The following AKAP13 variants were observed in gnomAD, a reference collection of about 807,000 sequenced individuals.
AKAP13 encodes the protein A-kinase anchor protein 13.
In AKAP13, 80 loss-of-function variants were observed where a neutral mutation model predicts 264.5. That is an observed-to-expected ratio of 0.30 (90% confidence interval 0.25 to 0.36). AKAP13 has a LOEUF of 0.36. AKAP13 is among the 10% of genes least tolerant of loss of function. AKAP13 has a pLI of 1.00. For synonymous variants in AKAP13, 1,380 were observed against 1,250.2 expected (o/e 1.10, Z -2.19); for missense variants, 3,712 against 3,435.2 (o/e 1.08, Z -2.01).
chr15:85,553,428 A>T (rs1415163498), intron 5 of AKAP13, among the ~76,000 whole-genome samples: 1 of 152,178 alleles, frequency 6.6e-6, no homozygotes, highest in Non-Finnish European at 1.5e-5. Context: ...TTTAATAAAT[A>T]TTTGTTGGCT....
intron 1 of AKAP13, among the ~76,000 whole-genome samples, chr15:85,421,842 T>C (rs2072539014): frequency 6.6e-6 from 1 of 152,262 alleles, no homozygotes. Flanking sequence ...GTGTATGCAT[T>C]GTTAACTGCA....
rs779615006 is a variant in AKAP13 at position 85,580,137 on chromosome 15, C to G, written c.2069C>G (p.Ser690Cys). The change falls in exon 7 of 37, where the codon TCC (serine) becomes TGC (cysteine). Residue 690 changes from serine to cysteine, a missense_variant. Transcript: ENST00000394518. ...AKLCDNIVSE[S>C]ESTTARQPSS... is the part of the protein sequence containing the mutation. The stretch of plus-strand genomic sequence containing the variant: ...CTGTGTGATAACATAGTTAGCGAGT[C>G]CGAAAGCACCACAGCAAGGCAACCC... 6.2e-7 allele frequency: 1 copy of G among 1,614,048 alleles called. No homozygotes were observed. The highest frequency in any genetic ancestry group is 1.3e-5 in the African/African-American group (1 of 74,926).
chr15:85,607,476 A>G (rs2080403966), intron 8 of AKAP13, among the ~76,000 whole-genome samples: 1 of 151,878 alleles, frequency 6.6e-6, no homozygotes, highest in Non-Finnish European at 1.5e-5. Context: ...TTTTTTAACC[A>G]TTTGCCTTTA....
In AKAP13 at chr15:85,655,737, C is replaced by T. The variant is rs1391744679; in HGVS notation, c.4695C>T (p.Ser1565=). 6.2e-7 allele frequency: 1 copy of T among 1,612,952 alleles called. No individual in the cohort carries two copies. Among genetic ancestry groups the T allele is most frequent in the Non-Finnish European group, 8.5e-7 (1 of 1,179,034 alleles). ...CTCTTTCTCCCTTCCGGAGGCACAG[C>T]TGGGGGCCTGGGAAAAATGCAGCCA... ...MRSLSPFRRH[S]WGPGKNAASD... is the part of the protein sequence containing the mutation. Residue 1565 remains serine, a synonymous_variant, in exon 11 of 37, where the codon AGC becomes AGT. Transcript: ENST00000394518.
intron 8 of AKAP13, among the ~76,000 whole-genome samples, chr15:85,606,116 T>G (rs959281002): frequency 2.1e-4 from 30 of 141,742 alleles, no homozygotes; most frequent in African/African-American, 7.9e-4. Context: ...TTTTTTTTTT[T>G]GTTGAGATGT....
chr15:85,468,259 T>G lies in AKAP13; in HGVS notation c.-11-17451T>G, dbSNP rs975082795. On this transcript the variant is annotated intron_variant, in intron 1 of 36. Transcript: ENST00000394518. ...CATCTTTGAAATAGCCTGAGTATAC[T>G]GTCTTATGGTTGATGCCCCTTTTAG... 8.1e-4 allele frequency among the ~76,000 whole-genome samples: 123 copies of G among 152,200 alleles called. 6 individuals are homozygous for G. The highest frequency in any genetic ancestry group is 4.7e-4 in the Non-Finnish European group (32 of 68,038).
At chr15:85,586,010 A>G (rs984393280) in intron 8 of AKAP13, among the ~76,000 whole-genome samples, 187 bp downstream of exon 8, 3 of 152,210 alleles carry the variant, frequency 2.0e-5, no homozygotes, top group Non-Finnish European at 1.5e-5. Flanking sequence ...GGTATATACC[A>G]TACAGCAAAG....
chr15:85,726,139 T>C, intron 26 of AKAP13: 1 of 318,704 alleles, frequency 3.1e-6, no homozygotes, highest in Non-Finnish European at 5.7e-6. Context: ...TTATGGGATA[T>C]ATCTTTCTAG....
intron 8 of AKAP13, among the ~76,000 whole-genome samples, chr15:85,587,967 A>C (rs2079429077): frequency 6.6e-6 from 1 of 152,222 alleles, no homozygotes; most frequent in African/African-American, 2.4e-5. Flanking sequence ...CTTTTAAAAC[A>C]AACTTGTTGA....
chr15:85,638,185 G>A (rs2082151086), intron 8 of AKAP13, among the ~76,000 whole-genome samples: 1 of 152,018 alleles, frequency 6.6e-6, no homozygotes, highest in Non-Finnish European at 1.5e-5. Context: ...AGCCTATTTA[G>A]AAGTTTTTAA....
chr15:85,739,302 A>C (rs1170394568), intron 33 of AKAP13, among the ~76,000 whole-genome samples: 1 of 152,136 alleles, frequency 6.6e-6, no homozygotes, highest in Non-Finnish European at 1.5e-5. Context: ...TATCATTCTT[A>C]TTAAGTTTTT....
intron 1 of AKAP13, among the ~76,000 whole-genome samples, chr15:85,397,101 A>G (rs1395028387): frequency 1.4e-5 from 2 of 146,938 alleles, no homozygotes; most frequent in East Asian, 4.1e-4. Flanking sequence ...GTGAAAGAAA[A>G]TACTTTTTAA....
chr15:85,604,224 A>G (rs1404254622), intron 8 of AKAP13, among the ~76,000 whole-genome samples: 3 of 152,240 alleles, frequency 2.0e-5, no homozygotes, highest in Non-Finnish European at 4.4e-5. Context: ...TTTCCTATTT[A>G]CATAATAAAT....
chr15:85,492,915 T>C (rs2075770785), intron 2 of AKAP13, among the ~76,000 whole-genome samples: 2 of 152,244 alleles, frequency 1.3e-5, no homozygotes, highest in Non-Finnish European at 2.9e-5. Flanking sequence ...TGGTATTGAA[T>C]CTACATAATT....
intron 5 of AKAP13, among the ~76,000 whole-genome samples, chr15:85,555,213 A>G (rs1206945131): frequency 6.6e-6 from 1 of 151,974 alleles, no homozygotes; most frequent in Non-Finnish European, 1.5e-5. Context: ...CCTTTCTGGC[A>G]TTTAGCTTCT....
chr15:85,552,767 A>G (rs550777997), intron 5 of AKAP13, among the ~76,000 whole-genome samples: 70 of 151,904 alleles, frequency 4.6e-4, no homozygotes, highest in African/African-American at 1.3e-3. Context: ...GGCTGGAACT[A>G]CAGGCGTGTG....
intron 1 of AKAP13, among the ~76,000 whole-genome samples, chr15:85,382,998 A>G (rs973109866): frequency 1.3e-5 from 2 of 152,138 alleles, no homozygotes; most frequent in African/African-American, 4.8e-5. Flanking sequence ...GGGTTTAACT[A>G]GCGCTCTAAG....
At chr15:85,623,779 A>G (rs564698749) in intron 8 of AKAP13, among the ~76,000 whole-genome samples, 3 of 152,348 alleles carry the variant, frequency 2.0e-5, no homozygotes, top group African/African-American at 7.2e-5. Flanking sequence ...TCCTCTGTAT[A>G]TGACATTCCC....
chr15:85,738,168 T>C (rs1597230978), intron 33 of AKAP13, among the ~76,000 whole-genome samples: 2 of 150,350 alleles, frequency 1.3e-5, no homozygotes, highest in East Asian at 2.0e-4. Context: ...GAGGCCGAGG[T>C]GGGTGGATCA....
Sources: allele counts gnomAD v4.1 joint callset (sites outside exome capture counted in the v4.1 genomes callset), GRCh38; gene constraint gnomAD v4.1.1; transcripts MANE v1.5; gene names NCBI Gene and HGNC (gene_info 2026-07-23, HGNC 2026-07-21).